ADAMTS13: variants seen among roughly 807,000 people sequenced by gnomAD.
ADAMTS13 encodes the protein A disintegrin and metalloproteinase with thrombospondin motifs 13.
ADAMTS13 carries 110 observed loss-of-function variants against 155.1 expected under a neutral mutation model. The ratio of observed to expected loss-of-function variants is 0.71; its 90% CI spans 0.61 to 0.83. The LOEUF (loss-of-function observed/expected upper bound fraction) is 0.83. Ranked by LOEUF, ADAMTS13 falls within the 40% of genes least tolerant of loss-of-function variation. The probability of loss-of-function intolerance (pLI) is 0.00; values close to 1 mark genes in which losing one functional copy is unlikely to be tolerated. For synonymous variants in ADAMTS13, 758 were observed against 756.4 expected (o/e 1.00, Z -0.03); for missense variants, 1,707 against 1,891.7 (o/e 0.90, Z 1.81).
intron 27 of ADAMTS13, among the ~76,000 whole-genome samples, chr9:133,457,460 C>T (rs897413048): frequency 4.6e-5 from 7 of 152,176 alleles, no homozygotes; most frequent in African/African-American, 7.2e-5. Flanking sequence ...CCACTGTCAC[C>T]GTTCACATTG....
In ADAMTS13 at chr9:133,432,671, G is replaced by T; in HGVS notation, c.1071G>T (p.Gly357=). The T allele has an allele frequency of 1.3e-6, 2 of 1,558,920 alleles. No individual in the cohort carries two copies. Among genetic ancestry groups the T allele is most frequent in the East Asian group, 2.4e-5 (1 of 42,178 alleles). The change falls in exon 9 of 29, where the codon GGG becomes GGT. Residue 357 remains glycine (G), a synonymous_variant. Transcript: ENST00000355699. ...CSRLLVPLLD[G]TECGVEKWCS... is the part of the protein sequence containing the mutation. ...GCCTCCTCGTTCCTCTCCTGGATGG[G>T]ACAGAATGTGGCGTGGAGAAGGTCA...
Position 133,449,861 on chromosome 9 carries a change from C to G in ADAMTS13, c.2940C>G (p.Ala980=). 2 of 1,614,056 alleles carry G rather than the reference C, an allele frequency of 1.2e-6. No homozygotes were observed. Among genetic ancestry groups the G allele is most frequent in the Non-Finnish European group, 1.7e-6 (2 of 1,180,016 alleles). ...GGAGGATCCTGTATTGTGCCCGGGC[C>G]CATGGGGAGGACGATGGTGAGGAGA... is the stretch of plus-strand genomic sequence containing the variant. ...VVRRILYCAR[A]HGEDDGEEIL... The change falls in exon 23 of 29, where the codon GCC becomes GCG. Residue 980 remains alanine, a synonymous_variant. Coordinates refer to ENST00000355699, the MANE Select transcript of ADAMTS13 (RefSeq NM_139027.6).
At position 133,425,828 on chromosome 9, in the gene ADAMTS13, C is replaced by A; in HGVS notation, c.415-110C>A. 1 of 1,539,484 alleles carries A rather than the reference C, an allele frequency of 6.5e-7. No homozygotes were observed. The highest frequency in any genetic ancestry group is 8.8e-7 in the Non-Finnish European group (1 of 1,140,118). On this transcript the variant is annotated intron_variant, in intron 4 of 28. Transcript: ENST00000355699. This position sits in a 1 kb window ranked among gnomAD's most constrained non-coding sequence, Gnocchi z 4.6. ...AGCCTCAGTTGTCTCATCCCTAACACGGGCTAGTCATAGGGTTGTTAGGAG... is the reference window on the plus strand; with the variant it reads ...AGCCTCAGTTGTCTCATCCCTAACAAGGGCTAGTCATAGGGTTGTTAGGAG...
chr9:133,449,740 G>T, intron 22 of ADAMTS13, 43 bp from the exon 23 acceptor site: 1 of 1,610,374 alleles, frequency 6.2e-7, no homozygotes, highest in Non-Finnish European at 8.5e-7. Flanking sequence ...TGGGTTCCCA[G>T]GCCCTGGGGC....
In ADAMTS13 at chr9:133,426,316, A is replaced by T; in HGVS notation, c.657A>T (p.Gly219=). 2 of 1,603,850 alleles carry T rather than the reference A, an allele frequency of 1.2e-6. No homozygotes were observed. The highest frequency in any genetic ancestry group is 1.7e-6 in the Non-Finnish European group (2 of 1,179,958). The change falls in exon 6 of 29, where the codon GGA becomes GGT. Residue 219 remains glycine, a synonymous_variant. Transcript: ENST00000355699. ...LITEDTGFDL[G]VTIAHEIGHS... Reference sequence around the variant, plus strand: ...CCGAGGACACTGGCTTCGACCTGGGAGTCACCATTGCCCATGAGATTGGGC... The same window carrying T: ...CCGAGGACACTGGCTTCGACCTGGGTGTCACCATTGCCCATGAGATTGGGC...
At chr9:133,444,777 C>A (rs1841939621) in intron 19 of ADAMTS13, 86 bp from the exon 20 acceptor site, 8 of 1,409,560 alleles carry the variant, frequency 5.7e-6, no homozygotes, top group Non-Finnish European at 7.8e-6. Flanking sequence ...GAGCAGGTCC[C>A]CTTCCTCCCT....
In ADAMTS13 at chr9:133,424,381, G is replaced by T. The variant is rs782188171; in HGVS notation, c.233G>T (p.Gly78Val). The change falls in exon 3 of 29, where the codon GGC becomes GTC. Residue 78 changes from glycine (G) to valine (V), a missense_variant. Physicochemically the swap from Gly to Val is moderately radical, Grantham distance 109 (BLOSUM62 -3). This residue lies in a region of ADAMTS13 where 733 missense variants were observed against 749.6 expected (regional missense o/e 0.98). Transcript: ENST00000355699. This position sits in a 1 kb window ranked among gnomAD's most constrained non-coding sequence, Gnocchi z 4.3. ...QRQRQRRAAG[G>V]ILHLELLVAV... ...CAGAGGCAGAGGCGGGCTGCAGGCG[G>T]CATCCTACACCTGGAGCTGCTGGTG... 6.2e-7 allele frequency: 1 copy of T among 1,613,416 alleles called. No individual in the cohort carries two copies.
At chr9:133,422,210 A>G (rs1163053198), upstream of ADAMTS13, 8 of 597,452 alleles carry the variant, frequency 1.3e-5, no homozygotes, top group Non-Finnish European at 2.1e-5. Flanking sequence ...ACTGGGCTGC[A>G]GGTTACCCTG....
chr9:133,423,428 C>T (rs1185778707), intron 2 of ADAMTS13, among the ~76,000 whole-genome samples: 4 of 152,232 alleles, frequency 2.6e-5, no homozygotes, highest in African/African-American at 7.2e-5. Context: ...GCTGGCCCCT[C>T]CTGCCCCATG....
At position 133,445,165 on chromosome 9, in the gene ADAMTS13, T is replaced by C. The variant is rs587774462; in HGVS notation, c.2610+113T>C. On this transcript the variant is annotated intron_variant, in intron 20 of 28. Coordinates refer to ENST00000355699, the MANE Select transcript of ADAMTS13 (RefSeq NM_139027.6). This position sits in a 1 kb window ranked among gnomAD's most constrained non-coding sequence, Gnocchi z 5.0. ...CAGGCCAGAGCAAGAACACCATCCT[T>C]CTGTGGGAATGCTGTCTGAGGGCCA... 1.1e-3 allele frequency: 1,396 copies of C among 1,248,868 alleles called. 4 individuals carry two copies. Among genetic ancestry groups the C allele is most frequent in the Admixed American group, 2.4e-3 (119 of 49,458 alleles). 77.4% of individuals were successfully genotyped at this position (1,248,868 alleles called of 1,614,324 possible).
At chr9:133,433,232 C>A in intron 9 of ADAMTS13, 146 bp from the exon 10 acceptor site, 2 of 1,084,834 alleles carry the variant, frequency 1.8e-6, no homozygotes, top group Non-Finnish European at 1.4e-6. Flanking sequence ...TGGGTGAGTT[C>A]CTTGTGTGTG....
intron 7 of ADAMTS13, chr9:133,429,638 G>A (rs956028777): frequency 1.0e-5 from 5 of 495,646 alleles, no homozygotes; most frequent in Admixed American, 7.3e-5. Flanking sequence ...GTATCCCTGC[G>A]TCCCCTTCCC....
In ADAMTS13 at chr9:133,454,550, GCC is replaced by G. The variant is rs782715762; in HGVS notation, c.3182_3183del (p.Pro1061ArgfsTer36). ...DEAACAALVR[P>X]EASVPCLIAD... ...AGGCGGCCTGTGCGGCGCTGGTGCGGCCCGAGGCCAGTGTCCCCTGTCTCATT... is the reference window on the plus strand; with the variant it reads ...AGGCGGCCTGTGCGGCGCTGGTGCGGCGAGGCCAGTGTCCCCTGTCTCATT... On this transcript the variant is annotated frameshift_variant, in exon 24 of 29. Coordinates refer to ENST00000355699, the MANE Select transcript of ADAMTS13 (RefSeq NM_139027.6). LOFTEE classifies it high-confidence loss of function. 3 of 1,608,720 alleles carry G rather than the reference GCC, an allele frequency of 1.9e-6. No individual in the cohort carries two copies. The highest frequency in any genetic ancestry group is 2.5e-6 in the Non-Finnish European group (3 of 1,179,894).
At chr9:133,426,626 A>C (rs1260008997) in intron 6 of ADAMTS13, among the ~76,000 whole-genome samples, 1 of 152,150 alleles carries the variant, frequency 6.6e-6, no homozygotes, top group Non-Finnish European at 1.5e-5. Context: ...ATTATCTCAA[A>C]TCCCACCATT....
chr9:133,445,757 G>T lies in ADAMTS13; in HGVS notation c.2669G>T (p.Gly890Val), dbSNP rs781809081. ...APSPWGSIRT[G>V]AQAAHVWTPA... is the part of the protein sequence containing the mutation. ...TCCCCATGGGGCAGCATCAGGACGG[G>T]GGCTCAAGCTGCACACGTGTGGACC... The change falls in exon 21 of 29, where the codon GGG (glycine) becomes GTG (valine). Residue 890 changes from glycine (G) to valine (V), a missense_variant. Physicochemically the swap from Gly to Val is moderately radical, Grantham distance 109 (BLOSUM62 -3). Around this residue, in one of 3 missense-constraint regions of ADAMTS13, gnomAD observed 961 missense variants for 1,107.9 expected, o/e 0.87. Coordinates refer to ENST00000355699, the MANE Select transcript of ADAMTS13 (RefSeq NM_139027.6). This position sits in a 1 kb window ranked among gnomAD's most constrained non-coding sequence, Gnocchi z 5.0. The T allele has an allele frequency of 6.2e-7, 1 of 1,610,192 alleles. No individual in the cohort carries two copies. The highest frequency in any genetic ancestry group is 2.2e-5 in the East Asian group (1 of 44,788).
In ADAMTS13 at chr9:133,449,993, G is replaced by A. The variant is rs782331701; in HGVS notation, c.3044+28G>A. The A allele has an allele frequency of 6.4e-5, 100 of 1,569,990 alleles. 1 individual carries two copies. Among genetic ancestry groups the A allele is most frequent in the Non-Finnish European group, 5.2e-6 (6 of 1,162,146 alleles). On this transcript the variant is annotated intron_variant, in intron 23 of 28. Transcript: ENST00000355699. ...GAGTCAGCCGGTGATGGGAGGGGCA[G>A]CTCCTGGTGTGTGCAGATGCCAGGC...
chr9:133,433,361 C>T lies in ADAMTS13; in HGVS notation c.1093-17C>T. On this transcript the variant is annotated splice_polypyrimidine_tract_variant and intron_variant, in intron 9 of 28. Transcript: ENST00000355699. ...GGTCACTGTGGGATGGGAGATGAAG[C>T]CATCCTTGCCTTGCAGTGGTGCTCC... is the stretch of plus-strand genomic sequence containing the variant. The T allele has an allele frequency of 1.2e-6, 2 of 1,612,200 alleles. No individual in the cohort carries two copies. Among genetic ancestry groups the T allele is most frequent in the Non-Finnish European group, 8.5e-7 (1 of 1,179,910 alleles).
chr9:133,434,811 C>T (rs587678454), intron 11 of ADAMTS13, among the ~76,000 whole-genome samples: 11 of 152,274 alleles, frequency 7.2e-5, no homozygotes, highest in African/African-American at 1.7e-4. Context: ...CGCCACTCAG[C>T]GGCCATTGGT....
chr9:133,457,338 C>A (rs1554796392), intron 27 of ADAMTS13, among the ~76,000 whole-genome samples: 1 of 152,214 alleles, frequency 6.6e-6, no homozygotes, highest in East Asian at 1.9e-4. Context: ...AGGGGCTTAG[C>A]CTCTGCAGAG....
Sources: allele counts gnomAD v4.1 joint callset (sites outside exome capture counted in the v4.1 genomes callset), GRCh38; gene constraint gnomAD v4.1.1; regional missense constraint gnomAD v4.1.1; non-coding constraint Gnocchi (gnomAD v3.1); transcripts MANE v1.5; gene names NCBI Gene and HGNC (gene_info 2026-07-23, HGNC 2026-07-21).